Variants in SCARB1 observed in about 807,000 individuals in gnomAD.
The protein encoded by SCARB1 is scavenger receptor class B member 1.
Under a neutral mutation model 57.2 loss-of-function variants are expected in SCARB1, and 30 were observed. That is an observed-to-expected ratio of 0.52 (90% confidence interval 0.39 to 0.71). The LOEUF is 0.71. SCARB1 is among the 30% of genes least tolerant of loss of function. The pLI, the probability that SCARB1 is intolerant of heterozygous loss-of-function variation, is 0.00. For missense variants in SCARB1, 543 were observed against 671.2 expected (o/e 0.81, Z 2.11); for synonymous variants, 249 against 268.3 (o/e 0.93, Z 0.70).
intron 12 of SCARB1, among the ~76,000 whole-genome samples, chr12:124,779,007 G>A (rs1183170976): frequency 6.6e-6 from 1 of 152,130 alleles, no homozygotes; most frequent in Admixed American, 6.5e-5. Flanking sequence ...CTGGAGTACG[G>A]TGGTGCCATC....
At chr12:124,838,863 C>A (rs527435022) in intron 1 of SCARB1, among the ~76,000 whole-genome samples, 1 of 144,002 alleles carries the variant, frequency 6.9e-6, no homozygotes, top group East Asian at 2.1e-4. Flanking sequence ...GCAACCTCTG[C>A]CTCCCAGGTT....
intron 9 of SCARB1, among the ~76,000 whole-genome samples, chr12:124,794,461 C>T (rs1174669680): frequency 7.5e-6 from 1 of 134,216 alleles, no homozygotes. Flanking sequence ...AGTGCAGTGG[C>T]GCGATCTCGG....
chr12:124,797,503 C>G (rs188852557), intron 8 of SCARB1, among the ~76,000 whole-genome samples: 1 of 152,234 alleles, frequency 6.6e-6, no homozygotes, highest in Non-Finnish European at 1.5e-5. Context: ...CTCTCCCCGT[C>G]GGCCTCAAGC....
intron 11 of SCARB1, 144 bp downstream of exon 11, chr12:124,786,213 G>A (rs560890322): frequency 8.8e-6 from 14 of 1,597,394 alleles, no homozygotes; most frequent in African/African-American, 6.7e-5. Context: ...AGCAGTGACC[G>A]CTCCCACTCC....
intron 1 of SCARB1, among the ~76,000 whole-genome samples, chr12:124,829,874 A>G (rs1412329387): frequency 3.3e-5 from 5 of 152,122 alleles, no homozygotes; most frequent in African/African-American, 1.2e-4. Context: ...CATTATATTC[A>G]TCACCCTGTT....
intron 7 of SCARB1, among the ~76,000 whole-genome samples, chr12:124,806,017 AG>A (rs1476285903): frequency 6.6e-6 from 1 of 152,192 alleles, no homozygotes; most frequent in Non-Finnish European, 1.5e-5. Flanking sequence ...GGTGCAACCA[AG>A]GAACTGCCTT....
intron 1 of SCARB1, among the ~76,000 whole-genome samples, chr12:124,854,814 C>T (rs1030208408): frequency 1.3e-5 from 2 of 152,020 alleles, no homozygotes; most frequent in African/African-American, 2.4e-5. Flanking sequence ...AGGAGCCAGC[C>T]GGGGCGAGCG....
Position 124,792,014 on chromosome 12 carries a change from G to C in SCARB1, c.1202+3181C>G, listed in dbSNP as rs546585976. Among the ~76,000 whole-genome samples, 3 of 151,874 alleles carry C rather than the reference G, an allele frequency of 2.0e-5. No individual in the cohort carries two copies. The East Asian group carries it at 5.8e-4, about 29-fold the overall frequency. ...TTATTGGAGGTCTCTCAGGCCCCTT[G>C]TTAAGTAGGGTATTGCACAGTGAAA... On this transcript the variant is annotated intron_variant, in intron 9 of 12. Transcript: ENST00000261693.
Position 124,811,910 on chromosome 12 carries a change from C to A in SCARB1, c.686G>T (p.Ser229Ile). The A allele has an allele frequency of 6.2e-7, 1 of 1,613,430 alleles. No individual in the cohort carries two copies. Among genetic ancestry groups the A allele is most frequent in the Non-Finnish European group, 8.5e-7 (1 of 1,179,750 alleles). Residue 229 changes from serine (S) to isoleucine (I), a missense_variant, in exon 5 of 13, where the codon AGC becomes ATC. Coordinates refer to ENST00000261693, the MANE Select transcript of SCARB1 (RefSeq NM_005505.5). ...CCACTTGTCCACGAGGTGGATCCTG[C>A]TGATGTTCTGGACCCCCGTGAACAC... ...FTVFTGVQNISRIHLVDKWNG... is the reference protein window; with the variant it reads ...FTVFTGVQNIIRIHLVDKWNG...
At position 124,814,464 on chromosome 12, in the gene SCARB1, G is replaced by A. The variant is rs1227074313; in HGVS notation, c.427-59C>T. 3.2e-6 allele frequency: 5 copies of A among 1,556,086 alleles called. No individual in the cohort carries two copies. The East Asian group carries it at 6.7e-5, about 21-fold the overall frequency. On this transcript the variant is annotated intron_variant, in intron 3 of 12. Coordinates refer to ENST00000261693, the MANE Select transcript of SCARB1 (RefSeq NM_005505.5). This position sits in a 1 kb window ranked among gnomAD's most constrained non-coding sequence, Gnocchi z 4.7. ...GGACGTGGCTGGCCCATCCTCCCTTGGCCCCAGCTGGGCCTCACAGCAAAG... is the reference window on the plus strand; with the variant it reads ...GGACGTGGCTGGCCCATCCTCCCTTAGCCCCAGCTGGGCCTCACAGCAAAG...
intron 1 of SCARB1, among the ~76,000 whole-genome samples, chr12:124,863,225 C>CAT (rs397794773): frequency 6.7e-6 from 1 of 148,930 alleles, no homozygotes; most frequent in Non-Finnish European, 1.5e-5. Flanking sequence ...CGTTCACACA[C>CAT]TCTTGGGCTC....
At chr12:124,857,794 C>T (rs1041773025) in intron 1 of SCARB1, among the ~76,000 whole-genome samples, 4 of 152,106 alleles carry the variant, frequency 2.6e-5, no homozygotes, top group South Asian at 4.1e-4. Context: ...ACAAGGCAAC[C>T]GAGGTTGAGT....
Position 124,822,858 on chromosome 12 carries a change from A to G in SCARB1, c.127-5151T>C, listed in dbSNP as rs1950998851. Among the ~76,000 whole-genome samples, 1 of 152,240 alleles carries G rather than the reference A, an allele frequency of 6.6e-6. No individual in the cohort carries two copies. The highest frequency in any genetic ancestry group is 1.5e-5 in the Non-Finnish European group (1 of 68,034). Reference sequence around the variant, plus strand: ...AGCCGTGATCATGTGCCTGCACTCCAGTCTGGGCCACAAAGCAAGACCCTG... The same window carrying G: ...AGCCGTGATCATGTGCCTGCACTCCGGTCTGGGCCACAAAGCAAGACCCTG... On this transcript the variant is annotated intron_variant, in intron 1 of 12. Coordinates refer to ENST00000261693, the MANE Select transcript of SCARB1 (RefSeq NM_005505.5). This position sits in a 1 kb window ranked among gnomAD's most constrained non-coding sequence, Gnocchi z 5.0.
At position 124,796,403 on chromosome 12, in the gene SCARB1, CTTTT is replaced by C. The variant is rs375977532; in HGVS notation, c.1129-1139_1129-1136del. ...CTATACCCAGCTCTTTTTAACGAGA[CTTTT>C]TTTTTTAAGTAAATAACCGAAGTGA... On this transcript the variant is annotated intron_variant, in intron 8 of 12. Transcript: ENST00000261693. The surrounding 1 kb of genome is among the most constrained non-coding windows in gnomAD (Gnocchi z 4.0). 2.0e-5 allele frequency among the ~76,000 whole-genome samples: 3 copies of C among 149,718 alleles called. No individual in the cohort carries two copies. The highest frequency in any genetic ancestry group is 3.0e-5 in the Non-Finnish European group (2 of 67,252).
rs191358119 is a variant in SCARB1, at chr12:124,789,454, C to T, written c.1203-1997G>A. 5.9e-4 allele frequency among the ~76,000 whole-genome samples: 90 copies of T among 152,216 alleles called. 1 individual carries two copies. Among genetic ancestry groups the T allele is most frequent in the Admixed American group, 4.6e-3 (70 of 15,290 alleles). On this transcript the variant is annotated intron_variant, in intron 9 of 12. Transcript: ENST00000261693. The surrounding 1 kb of genome is among the most constrained non-coding windows in gnomAD (Gnocchi z 4.4). ...CCTGGGAAACTGTGACCTGCCACGA[C>T]GAAGGGGACCGTGCAGACATGACTG...
At chr12:124,794,865 G>A (rs888933344) in intron 9 of SCARB1, among the ~76,000 whole-genome samples, 1 of 152,158 alleles carries the variant, frequency 6.6e-6, no homozygotes, top group Admixed American at 6.5e-5. Flanking sequence ...GGGAGGCGGA[G>A]GTTGTGGTGA....
In SCARB1 at chr12:124,778,475, TG is replaced by T; in HGVS notation, c.*111del. On this transcript the variant is annotated 3_prime_UTR_variant, in exon 13 of 13. Coordinates refer to ENST00000261693, the MANE Select transcript of SCARB1 (RefSeq NM_005505.5). The stretch of plus-strand genomic sequence containing the variant: ...CATGGCAGCTGGGAGGCTCAGGCTG[TG>T]GGGCTGGGGGGCTGTCCGCTGGGAG... 7.5e-7 allele frequency: 1 copy of T among 1,330,018 alleles called. No homozygotes were observed. Among genetic ancestry groups the T allele is most frequent in the East Asian group, 3.1e-5 (1 of 32,690 alleles). 82.4% of individuals were successfully genotyped at this position (1,330,018 alleles called of 1,614,324 possible).
At chr12:124,847,068 TTCCC>T (rs1172475927) in intron 1 of SCARB1, among the ~76,000 whole-genome samples, 1 of 152,230 alleles carries the variant, frequency 6.6e-6, no homozygotes. Context: ...CAGATGAGCT[TTCCC>T]TCTTCTTCAC....
At chr12:124,794,282 T>C (rs1386447524) in intron 9 of SCARB1, among the ~76,000 whole-genome samples, 3 of 151,602 alleles carry the variant, frequency 2.0e-5, no homozygotes, top group Non-Finnish European at 4.4e-5. Context: ...AGGGGGGTTA[T>C]TTTTTTTATT....
Sources: gnomAD v4.1 joint callset for allele counts (sites outside exome capture counted in the v4.1 genomes callset) on GRCh38, gnomAD v4.1.1 for gene constraint, Gnocchi (gnomAD v3.1) non-coding constraint, MANE v1.5 for transcripts, NCBI Gene and HGNC (gene_info 2026-07-23, HGNC 2026-07-21) for gene names.